Variants in RTP3 observed in about 807,000 individuals in gnomAD.
The protein encoded by RTP3 is receptor-transporting protein 3.
RTP3 carries 2 observed loss-of-function variants against 6.2 expected under a neutral mutation model. The ratio of observed to expected loss-of-function variants is 0.32; its 90% CI spans 0.13 to 1.02. RTP3 has a LOEUF of 1.02. Ranked by LOEUF, RTP3 falls within the 50% of genes least tolerant of loss-of-function variation. The pLI is 0.47. For missense variants in RTP3, 252 were observed against 280.8 expected (o/e 0.90, Z 0.73); for synonymous variants, 106 against 98.3 (o/e 1.08, Z -0.47).
chr3:46,499,005 A>C (rs1197904627), intron 1 of RTP3, among the ~76,000 whole-genome samples: 1 of 152,246 alleles, frequency 6.6e-6, no homozygotes, highest in East Asian at 1.9e-4. Context: ...ATGGCAGTGG[A>C]CTTCTGCTCA....
chr3:46,498,801 G>A (rs1575335909), intron 1 of RTP3, among the ~76,000 whole-genome samples: 1 of 152,232 alleles, frequency 6.6e-6, no homozygotes, highest in Non-Finnish European at 1.5e-5. Flanking sequence ...TGCACAGAGG[G>A]TGGAGGCCGG....
chr3:46,499,527 A>T (rs569954691), intron 1 of RTP3, among the ~76,000 whole-genome samples: 1 of 152,150 alleles, frequency 6.6e-6, no homozygotes, highest in East Asian at 1.9e-4. Flanking sequence ...CCTCTCCCAT[A>T]ATTCCTTTCC....
At chr3:46,499,838 T>C (rs980403906) in intron 1 of RTP3, among the ~76,000 whole-genome samples, 3 of 152,052 alleles carry the variant, frequency 2.0e-5, no homozygotes, top group Non-Finnish European at 4.4e-5. Context: ...AGGAGAACCC[T>C]GGACACTTCA....
In RTP3 at chr3:46,498,024, G is replaced by A. The variant is rs1458814877; in HGVS notation, c.-39G>A. 6.2e-7 allele frequency: 1 copy of A among 1,612,692 alleles called. No individual in the cohort carries two copies. Among genetic ancestry groups the A allele is most frequent in the East Asian group, 2.2e-5 (1 of 44,864 alleles). On this transcript the variant is annotated 5_prime_UTR_variant, in exon 1 of 2. Coordinates refer to ENST00000296142, the MANE Select transcript of RTP3 (RefSeq NM_031440.2). ...CCCACTACAGACCTGCCAGGGCCCA[G>A]GAGAGCTCGACCCACCCAGGCACAC...
rs116177254 is a variant in RTP3, at chr3:46,500,562, G to A, written c.362G>A (p.Arg121Gln). ...ISRILKNLVF[R>Q]ILKKCYRGRF... ...AGGATCCTGAAAAACCTGGTGTTCC[G>A]AATTCTGAAGAAATGCTATAGAGGA... Residue 121 changes from arginine (R) to glutamine (Q), a missense_variant, in exon 2 of 2, where the codon CGA becomes CAA. Arg to Gln is a conservative substitution (Grantham distance 43, BLOSUM62 1). Transcript: ENST00000296142. 3.2e-4 allele frequency: 521 copies of A among 1,614,198 alleles called. 3 individuals are homozygous for A. Among genetic ancestry groups the A allele is most frequent in the African/African-American group, 2.6e-3 (196 of 75,048 alleles).
At position 46,500,552 on chromosome 3, in the gene RTP3, C is replaced by A. The variant is rs750089046; in HGVS notation, c.352C>A (p.Leu118Met). ...GAACATCTCAAGGATCCTGAAAAAC[C>A]TGGTGTTCCGAATTCTGAAGAAATG... ...QENISRILKN[L>M]VFRILKKCYR... The change falls in exon 2 of 2, where the codon CTG (leucine) becomes ATG (methionine). Residue 118 changes from leucine (L) to methionine (M), a missense_variant. Leu to Met is a conservative substitution (Grantham distance 15). Coordinates refer to ENST00000296142, the MANE Select transcript of RTP3 (RefSeq NM_031440.2). 6 of 1,614,098 alleles carry A rather than the reference C, an allele frequency of 3.7e-6. No individual in the cohort carries two copies. In the South Asian group the frequency reaches 6.6e-5, roughly 18 times the overall value.
At position 46,498,182 on chromosome 3, in the gene RTP3, A is replaced by C. The variant is rs1396687839; in HGVS notation, c.120A>C (p.Pro40=). 1.2e-6 allele frequency: 2 copies of C among 1,614,110 alleles called. No homozygotes were observed. Among genetic ancestry groups the C allele is most frequent in the Non-Finnish European group, 1.7e-6 (2 of 1,180,042 alleles). Residue 40 remains proline, a synonymous_variant, in exon 1 of 2, where the codon CCA becomes CCC. Coordinates refer to ENST00000296142, the MANE Select transcript of RTP3 (RefSeq NM_031440.2). ...DKGLLPNVLK[P]GWMQYQQWTF... ...GCCTTCTTCCCAACGTCCTGAAGCC[A>C]GGCTGGATGCAATACCAGCAGTGGA...
chr3:46,498,260 AC>A, intron 1 of RTP3, 43 bp downstream of exon 1: 1 of 1,608,098 alleles, frequency 6.2e-7, no homozygotes, highest in Non-Finnish European at 8.5e-7. Context: ...AAATTCTTGC[AC>A]ATTTCTTACT....
rs922783072 is a variant in RTP3 at position 46,500,589 on chromosome 3, G to A, written c.389G>A (p.Arg130Lys). 3 of 1,614,204 alleles carry A rather than the reference G, an allele frequency of 1.9e-6. No homozygotes were observed. The highest frequency in any genetic ancestry group is 1.7e-5 in the Admixed American group (1 of 60,026). Residue 130 changes from arginine to lysine, a missense_variant, in exon 2 of 2, where the codon AGA (arginine) becomes AAA (lysine). By Grantham distance (26) the Arg-to-Lys change is conservative. Coordinates refer to ENST00000296142, the MANE Select transcript of RTP3 (RefSeq NM_031440.2). ...ATTCTGAAGAAATGCTATAGAGGAA[G>A]ATTTCAGTTGATAGAGGAGGTTCCT... is the stretch of plus-strand genomic sequence containing the variant. ...FRILKKCYRG[R>K]FQLIEEVPMI... is the part of the protein sequence containing the mutation.
chr3:46,498,006 C>A lies in RTP3; in HGVS notation c.-57C>A. 6.3e-7 allele frequency: 1 copy of A among 1,598,706 alleles called. No homozygotes were observed. Among genetic ancestry groups the A allele is most frequent in the Non-Finnish European group, 8.6e-7 (1 of 1,167,232 alleles). On this transcript the variant is annotated 5_prime_UTR_variant, in exon 1 of 2. Transcript: ENST00000296142. The stretch of plus-strand genomic sequence containing the variant: ...AAGTCAGAAACCTCATCTCCCACTA[C>A]AGACCTGCCAGGGCCCAGGAGAGCT...
rs1197567125 is a variant in RTP3 at position 46,500,721 on chromosome 3, C to A, written c.521C>A (p.Ser174Tyr). ...GPIQVTSLPP[S>Y]QTPRVHSIYK... ...ATACAGGTTACAAGCCTCCCCCCAT[C>A]TCAGACCCCAAGAGTACACTCCATT... The change falls in exon 2 of 2, where the codon TCT becomes TAT. Residue 174 changes from serine to tyrosine, a missense_variant. By Grantham distance (144) the Ser-to-Tyr change is moderately radical (BLOSUM62 -2). Transcript: ENST00000296142. 6.2e-7 allele frequency: 1 copy of A among 1,614,038 alleles called. No homozygotes were observed. The highest frequency in any genetic ancestry group is 1.7e-5 in the Admixed American group (1 of 60,018).
chr3:46,500,770 G>A lies in RTP3; in HGVS notation c.570G>A (p.Lys190=), dbSNP rs1559620238. 4 of 1,614,054 alleles carry A rather than the reference G, an allele frequency of 2.5e-6. No individual in the cohort carries two copies. In the African/African-American group the frequency reaches 4.0e-5, roughly 16 times the overall value. The change falls in exon 2 of 2, where the codon AAG becomes AAA. Residue 190 remains lysine (K), a synonymous_variant. Transcript: ENST00000296142. ...TTTACAAGGTGGAGGAGGTAGTTAA[G>A]CCCTGGGCCTCAGGAGAGAATGTCT... ...HSIYKVEEVV[K]PWASGENVYS... is the part of the protein sequence containing the mutation.
chr3:46,499,777 C>T (rs965224587), intron 1 of RTP3, among the ~76,000 whole-genome samples: 1 of 152,104 alleles, frequency 6.6e-6, no homozygotes, highest in Non-Finnish European at 1.5e-5. Context: ...CCCTGCAATA[C>T]CGCAGACCAG....
intron 1 of RTP3, among the ~76,000 whole-genome samples, chr3:46,499,056 A>T (rs2106948919): frequency 6.6e-6 from 1 of 152,218 alleles, no homozygotes; most frequent in African/African-American, 2.4e-5. Flanking sequence ...ACTCTGGGTG[A>T]CTCCCAGCAA....
chr3:46,500,336 ACT>A lies in RTP3; in HGVS notation c.156-15_156-14del, dbSNP rs752973442. 5.1e-6 allele frequency: 8 copies of A among 1,576,662 alleles called. No individual in the cohort carries two copies. The highest frequency in any genetic ancestry group is 2.2e-5 in the East Asian group (1 of 44,620). ...TTTGGTCACATGGAGCCAGGCTGAG[ACT>A]CTCTTCTGTCTCCACAGGTTCCAGT... On this transcript the variant is annotated intron_variant, in intron 1 of 1. Coordinates refer to ENST00000296142, the MANE Select transcript of RTP3 (RefSeq NM_031440.2).
chr3:46,498,757 G>A (rs1175559749), intron 1 of RTP3, among the ~76,000 whole-genome samples: 1 of 152,194 alleles, frequency 6.6e-6, no homozygotes, highest in African/African-American at 2.4e-5. Context: ...GGTGGAAATG[G>A]GGAGCCCCAA....
intron 1 of RTP3, among the ~76,000 whole-genome samples, chr3:46,499,771 G>A (rs1372441587): frequency 6.6e-6 from 1 of 152,114 alleles, no homozygotes; most frequent in Non-Finnish European, 1.5e-5. Context: ...TGATCTCCCT[G>A]CAATACCGCA....
chr3:46,500,428 TGAG>T lies in RTP3; in HGVS notation c.232_234del (p.Glu78del), dbSNP rs778306753. 4.3e-6 allele frequency: 7 copies of T among 1,614,012 alleles called. No individual in the cohort carries two copies. In the African/African-American group the frequency reaches 6.7e-5, roughly 15 times the overall value. On this transcript the variant is annotated inframe_deletion, in exon 2 of 2. Coordinates refer to ENST00000296142, the MANE Select transcript of RTP3 (RefSeq NM_031440.2). ...TGGTCCTTTTCCACATGAACTGGAG[TGAG>T]GAGAAGTCCAGGGGCCAGGTGAAGA...
chr3:46,500,520 C>T lies in RTP3; in HGVS notation c.320C>T (p.Thr107Ile). ...CCTCTGTTTGAGGACCCTGAGTTCA[C>T]ACAAGAGAACATCTCAAGGATCCTG... ...PQPLFEDPEF[T>I]QENISRILKN... is the part of the protein sequence containing the mutation. The change falls in exon 2 of 2, where the codon ACA becomes ATA. Residue 107 changes from threonine (T) to isoleucine (I), a missense_variant. Thr to Ile is a moderately conservative substitution (Grantham distance 89). Transcript: ENST00000296142. 1 of 1,614,220 alleles carries T rather than the reference C, an allele frequency of 6.2e-7. No homozygotes were observed. Among genetic ancestry groups the T allele is most frequent in the Non-Finnish European group, 8.5e-7 (1 of 1,180,034 alleles).
Sources: gnomAD v4.1 joint callset for allele counts (sites outside exome capture counted in the v4.1 genomes callset) on GRCh38, gnomAD v4.1.1 for gene constraint, MANE v1.5 for transcripts, NCBI Gene and HGNC (gene_info 2026-07-23, HGNC 2026-07-21) for gene names.